The following GRAMD1B variants were observed in gnomAD, a reference collection of about 807,000 sequenced individuals.
GRAMD1B encodes the protein protein Aster-B.
A neutral mutation model predicts 99.7 loss-of-function variants in GRAMD1B; 37 were observed. The observed-to-expected ratio is 0.37, with a 90% CI of 0.29 to 0.49. The LOEUF (loss-of-function observed/expected upper bound fraction) is 0.49. Ranked by LOEUF, GRAMD1B falls within the 20% of genes least tolerant of loss-of-function variation. The pLI is 0.98. For synonymous variants in GRAMD1B, 427 were observed against 387.6 expected (o/e 1.10, Z -1.19); for missense variants, 888 against 1,009.2 (o/e 0.88, Z 1.63).
At chr11:123,370,903 T>C (rs1329876058) in intron 1 of GRAMD1B, among the ~76,000 whole-genome samples, 1 of 151,998 alleles carries the variant, frequency 6.6e-6, no homozygotes, top group Non-Finnish European at 1.5e-5. Flanking sequence ...GGTAGATGTT[T>C]TGGGAAGGCT....
intron 7 of GRAMD1B, among the ~76,000 whole-genome samples, chr11:123,600,224 C>G (rs1013149926): frequency 3.3e-5 from 5 of 152,116 alleles, no homozygotes; most frequent in African/African-American, 7.2e-5. Flanking sequence ...GAGAAAAGCA[C>G]TGAGGAAAGT....
At chr11:123,491,388 C>T (rs1938540083) in intron 2 of GRAMD1B, among the ~76,000 whole-genome samples, 2 of 152,240 alleles carry the variant, frequency 1.3e-5, no homozygotes, top group Middle Eastern at 6.8e-3. Flanking sequence ...CCCATGGACT[C>T]ACGGACATTC....
chr11:123,376,374 G>A (rs560473425), intron 1 of GRAMD1B, among the ~76,000 whole-genome samples: 171 of 152,290 alleles, frequency 1.1e-3, no homozygotes, highest in African/African-American at 4.0e-3. Context: ...TTGAGTAAAT[G>A]AACATTGATG....
chr11:123,398,607 T>A (rs1033692245), intron 1 of GRAMD1B, among the ~76,000 whole-genome samples: 1 of 152,228 alleles, frequency 6.6e-6, no homozygotes, highest in Admixed American at 6.5e-5. Flanking sequence ...TCAATTTTTT[T>A]ATTTTAGCCA....
chr11:123,419,276 C>T (rs1024268273), intron 1 of GRAMD1B, among the ~76,000 whole-genome samples: 1 of 152,138 alleles, frequency 6.6e-6, no homozygotes, highest in Non-Finnish European at 1.5e-5. Context: ...ATACTGTCCC[C>T]AACAGGTTCA....
chr11:123,532,356 A>G (rs961038644), intron 2 of GRAMD1B, among the ~76,000 whole-genome samples: 1 of 152,232 alleles, frequency 6.6e-6, no homozygotes. Context: ...CTGTCCCTGC[A>G]CTTGCCCCAC....
chr11:123,592,583 T>G (rs915865188), intron 4 of GRAMD1B, among the ~76,000 whole-genome samples: 1 of 152,006 alleles, frequency 6.6e-6, no homozygotes, highest in African/African-American at 2.4e-5. Context: ...CAAGCTGGGG[T>G]TTTCAGTGTG....
intron 1 of GRAMD1B, among the ~76,000 whole-genome samples, chr11:123,477,915 C>CCA (rs1304633562): frequency 1.3e-5 from 2 of 151,956 alleles, no homozygotes; most frequent in East Asian, 3.9e-4. Flanking sequence ...GCTGGGATTA[C>CCA]AGGCGCTTGC....
At chr11:123,541,999 T>C (rs1029050299) in intron 2 of GRAMD1B, among the ~76,000 whole-genome samples, 2 of 152,240 alleles carry the variant, frequency 1.3e-5, no homozygotes, top group African/African-American at 2.4e-5. Context: ...GGTAGATGAG[T>C]ACCCCTTCCA....
At chr11:123,429,748 ACGC>A (rs1948781761), upstream of GRAMD1B, among the ~76,000 whole-genome samples, 1 of 151,958 alleles carries the variant, frequency 6.6e-6, no homozygotes, top group African/African-American at 2.4e-5. This position sits in a 1 kb window ranked among gnomAD's most constrained non-coding sequence, Gnocchi z 4.0. Flanking sequence ...TCCTCAGCTC[ACGC>A]CGCCACGGGA....
intron 1 of GRAMD1B, chr11:123,460,304 T>C (rs1950349530): frequency 6.6e-6 from 1 of 152,146 alleles, no homozygotes. Context: ...ACAGATGAAT[T>C]ATAGTAGATG....
chr11:123,488,373 G>A (rs1014401293), intron 2 of GRAMD1B, among the ~76,000 whole-genome samples: 3 of 152,150 alleles, frequency 2.0e-5, no homozygotes, highest in South Asian at 2.1e-4. Context: ...GTGGAGGATG[G>A]ATACCTCCCC....
intron 2 of GRAMD1B, among the ~76,000 whole-genome samples, chr11:123,542,447 T>G (rs902938234): frequency 1.3e-5 from 2 of 152,174 alleles, no homozygotes; most frequent in African/African-American, 4.8e-5. Flanking sequence ...CCATGCATAA[T>G]GTACATCAGC....
intron 2 of GRAMD1B, among the ~76,000 whole-genome samples, chr11:123,562,668 C>A (rs531234026): frequency 8.5e-5 from 13 of 152,230 alleles, no homozygotes; most frequent in African/African-American, 3.1e-4. Context: ...TGCATCTGGC[C>A]TAGAGATCCT....
chr11:123,484,072 T>C (rs1951755571), intron 2 of GRAMD1B, among the ~76,000 whole-genome samples: 1 of 152,186 alleles, frequency 6.6e-6, no homozygotes, highest in Non-Finnish European at 1.5e-5. Context: ...CAAAGCTTTC[T>C]AGATTGCAGC....
intron 2 of GRAMD1B, among the ~76,000 whole-genome samples, chr11:123,505,612 GTC>G (rs1231464569): frequency 6.6e-6 from 1 of 152,236 alleles, no homozygotes; most frequent in Middle Eastern, 3.4e-3. Flanking sequence ...TATTATCCCT[GTC>G]TTATAGATGA....
chr11:123,518,763 A>G (rs1419019411), intron 2 of GRAMD1B, among the ~76,000 whole-genome samples: 1 of 152,148 alleles, frequency 6.6e-6, no homozygotes, highest in African/African-American at 2.4e-5. Flanking sequence ...TCAGAGGATC[A>G]GAGCCATCCA....
intron 2 of GRAMD1B, among the ~76,000 whole-genome samples, chr11:123,548,349 C>CATATATATATATATAT (rs142360908): frequency 8.4e-5 from 9 of 107,766 alleles, no homozygotes; most frequent in African/African-American, 3.7e-4. Context: ...CACACACACA[C>CATATATATATATATAT]ATATATATAT....
chr11:123,540,095 G>A (rs1260159356), intron 2 of GRAMD1B, among the ~76,000 whole-genome samples: 1 of 150,892 alleles, frequency 6.6e-6, no homozygotes, highest in East Asian at 1.9e-4. Flanking sequence ...TTTGAGATAA[G>A]GTTTCTGTCA....
Sources: allele counts gnomAD v4.1 joint callset (sites outside exome capture counted in the v4.1 genomes callset), GRCh38; gene constraint gnomAD v4.1.1; non-coding constraint Gnocchi (gnomAD v3.1); transcripts MANE v1.5; gene names NCBI Gene and HGNC (gene_info 2026-07-23, HGNC 2026-07-21).